The following GDPD5 variants were observed in gnomAD, a reference collection of about 807,000 sequenced individuals.
GDPD5 encodes glycerophosphodiester phosphodiesterase 2.
Under a neutral mutation model 75.1 loss-of-function variants are expected in GDPD5, and 48 were observed. That is an observed-to-expected ratio of 0.64 (90% CI 0.51 to 0.81). GDPD5 has a LOEUF of 0.81. Among genes scored for constraint, GDPD5 ranks in the 40% least tolerant of loss-of-function variants. The probability of loss-of-function intolerance (pLI) is 0.00; values close to 1 mark genes in which losing one functional copy is unlikely to be tolerated. For synonymous variants in GDPD5, 336 were observed against 339.0 expected (o/e 0.99, Z 0.10); for missense variants, 706 against 822.6 (o/e 0.86, Z 1.73).
chr11:75,524,250 G>A (rs761803549), intron 1 of GDPD5, among the ~76,000 whole-genome samples: 5 of 152,196 alleles, frequency 3.3e-5, no homozygotes, highest in African/African-American at 4.8e-5. Context: ...AAGGCAATGC[G>A]GTTGCAGGCA....
chr11:75,440,134 G>A (rs188901854), intron 14 of GDPD5, among the ~76,000 whole-genome samples, 173 bp from the exon 15 acceptor site: 29 of 152,288 alleles, frequency 1.9e-4, no homozygotes, highest in Non-Finnish European at 2.8e-4. Context: ...GGCTCCAGGC[G>A]CTGTGGGCCT....
chr11:75,523,882 C>A (rs1279775341), intron 1 of GDPD5, among the ~76,000 whole-genome samples: 1 of 152,224 alleles, frequency 6.6e-6, no homozygotes, highest in Non-Finnish European at 1.5e-5. Flanking sequence ...CCTCCACCTT[C>A]CAGGGGCTTT....
chr11:75,479,311 A>G (rs1949851067), intron 2 of GDPD5: 1 of 152,156 alleles, frequency 6.6e-6, no homozygotes, highest in Admixed American at 6.5e-5. Flanking sequence ...CAGGACTCCA[A>G]CGCTGGCCTG....
intron 1 of GDPD5, among the ~76,000 whole-genome samples, chr11:75,497,605 G>T (rs999610502): frequency 6.6e-6 from 1 of 152,140 alleles, no homozygotes; most frequent in Non-Finnish European, 1.5e-5. Flanking sequence ...GTTAAACCTG[G>T]TGAAAGTAAA....
intron 1 of GDPD5, among the ~76,000 whole-genome samples, chr11:75,501,987 C>A (rs911243724): frequency 6.6e-6 from 1 of 152,200 alleles, no homozygotes; most frequent in Non-Finnish European, 1.5e-5. Flanking sequence ...TCTCCCTACA[C>A]CCCCAAGTCC....
intron 15 of GDPD5, among the ~76,000 whole-genome samples, 188 bp downstream of exon 15, chr11:75,439,691 T>C (rs1255492500): frequency 2.6e-5 from 4 of 152,126 alleles, no homozygotes; most frequent in East Asian, 1.9e-4. Flanking sequence ...CCCAGCTGCA[T>C]GTTCATTCCA....
At chr11:75,440,023 C>CT in intron 14 of GDPD5, 62 bp from the exon 15 acceptor site, 1 of 1,351,644 alleles carries the variant, frequency 7.4e-7, no homozygotes, top group Non-Finnish European at 1.0e-6. Flanking sequence ...AGGCTCCAGA[C>CT]TGAGGGTCCG....
chr11:75,519,499 G>C (rs1369164634), intron 1 of GDPD5, among the ~76,000 whole-genome samples: 1 of 152,194 alleles, frequency 6.6e-6, no homozygotes, highest in Non-Finnish European at 1.5e-5. Context: ...TTTTCTCTAA[G>C]ATCCTCTGTG....
At chr11:75,471,627 T>C (rs563616105) in intron 3 of GDPD5, among the ~76,000 whole-genome samples, 7 of 152,148 alleles carry the variant, frequency 4.6e-5, no homozygotes, top group Admixed American at 1.3e-4. Context: ...CCTGACCACG[T>C]CACAGGGTGG....
At chr11:75,463,274 C>T (rs1631865) in intron 3 of GDPD5, among the ~76,000 whole-genome samples, 84,218 of 152,096 alleles carry the variant, frequency 0.55, 25,202 homozygotes, top group East Asian at 0.79. Context: ...AGCAGGCACT[C>T]TTCTTCTCCA....
intron 1 of GDPD5, among the ~76,000 whole-genome samples, chr11:75,507,546 T>G (rs1192043640): frequency 6.6e-6 from 1 of 152,214 alleles, no homozygotes; most frequent in Non-Finnish European, 1.5e-5. Flanking sequence ...TTCTCTACAT[T>G]CCTCCTTTAA....
At chr11:75,516,667 T>G (rs1297495997) in intron 1 of GDPD5, among the ~76,000 whole-genome samples, 1 of 152,210 alleles carries the variant, frequency 6.6e-6, no homozygotes, top group Non-Finnish European at 1.5e-5. Context: ...AGCAAGTGCA[T>G]GCACCAACAG....
At position 75,477,635 on chromosome 11, in the gene GDPD5, T is replaced by C. The variant is rs1420302015; in HGVS notation, c.101A>G (p.His34Arg). The C allele has an allele frequency of 6.3e-7, 1 of 1,593,326 alleles. No homozygotes were observed. The highest frequency in any genetic ancestry group is 8.6e-7 in the Non-Finnish European group (1 of 1,165,100). ...GTGGCTCACCGGTGTGGTATCATCATGGGAGCGCTGGTAGCGCTTCCAACG... is the reference window on the plus strand; with the variant it reads ...GTGGCTCACCGGTGTGGTATCATCACGGGAGCGCTGGTAGCGCTTCCAACG... Reference protein sequence around the residue: ...GCRWKRYQRSHDDTTPWERLW... With the variant: ...GCRWKRYQRSRDDTTPWERLW... The change falls in exon 3 of 17, where the codon CAT (histidine) becomes CGT (arginine). Residue 34 changes from histidine to arginine, a missense_variant. Physicochemically the swap from His to Arg is conservative, Grantham distance 29. Coordinates refer to ENST00000336898, the MANE Select transcript of GDPD5 (RefSeq NM_030792.8).
chr11:75,435,663 G>C lies in GDPD5; in HGVS notation c.1670-8C>G, dbSNP rs754023687. ...CTACACCATCGCTGATCTCTGCTGGGCCAGAGGGAGACAGAATGTGAGTCG... is the reference window on the plus strand; with the variant it reads ...CTACACCATCGCTGATCTCTGCTGGCCCAGAGGGAGACAGAATGTGAGTCG... On this transcript the variant is annotated splice_region_variant and splice_polypyrimidine_tract_variant and intron_variant, in intron 16 of 16. Coordinates refer to ENST00000336898, the MANE Select transcript of GDPD5 (RefSeq NM_030792.8). The C allele has an allele frequency of 6.3e-7, 1 of 1,591,310 alleles. No individual in the cohort carries two copies.
intron 1 of GDPD5, among the ~76,000 whole-genome samples, chr11:75,493,231 A>T (rs1423976438): frequency 1.5e-5 from 2 of 136,952 alleles, no homozygotes; most frequent in Non-Finnish European, 3.2e-5. Context: ...CACACATCTC[A>T]CACACACACA....
chr11:75,455,481 C>G, intron 6 of GDPD5: 1 of 412,962 alleles, frequency 2.4e-6, no homozygotes, highest in South Asian at 1.7e-5. Flanking sequence ...AAACCGGCCT[C>G]GGTGCCTCCC....
chr11:75,444,460 C>A lies in GDPD5; in HGVS notation c.750G>T (p.Lys250Asn), dbSNP rs1948934167. 1 of 1,613,758 alleles carries A rather than the reference C, an allele frequency of 6.2e-7. No individual in the cohort carries two copies. The highest frequency in any genetic ancestry group is 1.1e-5 in the South Asian group (1 of 91,082). ...APEHTLMSFR[K>N]ALEQKLYGLQ... is the part of the protein sequence containing the mutation. ...GCCCGTACAGCTTCTGCTCGAGGGC[C>A]TTCCGGAAGGACATGAGCGTGTGCT... Residue 250 changes from lysine (K) to asparagine (N), a missense_variant, in exon 10 of 17, where the codon AAG becomes AAT. Transcript: ENST00000336898.
chr11:75,518,171 G>A (rs1431736039), intron 1 of GDPD5, among the ~76,000 whole-genome samples: 1 of 152,192 alleles, frequency 6.6e-6, no homozygotes, highest in Non-Finnish European at 1.5e-5. Flanking sequence ...GGCCTCGTCT[G>A]GCCTCTGTGG....
intron 1 of GDPD5, among the ~76,000 whole-genome samples, chr11:75,498,819 G>A (rs1404388776): frequency 2.7e-5 from 4 of 147,518 alleles, no homozygotes; most frequent in East Asian, 4.0e-4. Flanking sequence ...CTGGTGCCAG[G>A]TCCTGGGCAA....
Sources: allele counts gnomAD v4.1 joint callset (sites outside exome capture counted in the v4.1 genomes callset), GRCh38; gene constraint gnomAD v4.1.1; transcripts MANE v1.5; gene names NCBI Gene and HGNC (gene_info 2026-07-23, HGNC 2026-07-21).